IQCM: variants seen among roughly 807,000 people sequenced by gnomAD.
The protein encoded by IQCM is IQ domain-containing protein M.
Under a neutral mutation model 57.6 loss-of-function variants are expected in IQCM, and 45 were observed. The observed-to-expected ratio is 0.78, with a 90% CI of 0.62 to 1.00. IQCM has a LOEUF of 1.00. IQCM is among the 50% of genes least tolerant of loss of function. The probability of loss-of-function intolerance (pLI) is 0.00; values close to 1 mark genes in which losing one functional copy is unlikely to be tolerated. For missense variants in IQCM, 468 were observed against 511.6 expected (o/e 0.91, Z 0.82); for synonymous variants, 148 against 158.9 (o/e 0.93, Z 0.51).
chr4:149,431,038 TA>T (rs1226444223), intron 13 of IQCM, among the ~76,000 whole-genome samples: 4 of 151,514 alleles, frequency 2.6e-5, no homozygotes, highest in South Asian at 2.1e-4. Context: ...CCAAATCTAC[TA>T]AAAAAAATTA....
At chr4:149,703,141 T>C (rs1381535782) in intron 5 of IQCM, among the ~76,000 whole-genome samples, 1 of 151,944 alleles carries the variant, frequency 6.6e-6, no homozygotes, top group African/African-American at 2.4e-5. Context: ...TATTTTACAT[T>C]TGCAACTTTC....
intron 8 of IQCM, among the ~76,000 whole-genome samples, chr4:149,605,191 A>C (rs1414118606): frequency 6.6e-6 from 1 of 152,238 alleles, no homozygotes; most frequent in Non-Finnish European, 1.5e-5. Flanking sequence ...TCTACAGTAC[A>C]GAAAGAATGT....
At chr4:149,638,148 T>G (rs1033495903) in intron 7 of IQCM, among the ~76,000 whole-genome samples, 1 of 151,966 alleles carries the variant, frequency 6.6e-6, no homozygotes. Context: ...CAATAGAAAA[T>G]AGACAAATAA....
chr4:149,693,402 C>T (rs1262864466), intron 5 of IQCM, among the ~76,000 whole-genome samples: 1 of 152,138 alleles, frequency 6.6e-6, no homozygotes, highest in Admixed American at 6.5e-5. Context: ...ATCAACATGT[C>T]CCTCTCACAC....
At chr4:149,626,975 G>C (rs1756870681) in intron 7 of IQCM, among the ~76,000 whole-genome samples, 1 of 152,064 alleles carries the variant, frequency 6.6e-6, no homozygotes, top group Admixed American at 6.6e-5. Flanking sequence ...CTACAATGTA[G>C]GTGCTGCTTT....
At chr4:149,549,167 G>A (rs1748757116) in intron 11 of IQCM, among the ~76,000 whole-genome samples, 2 of 152,136 alleles carry the variant, frequency 1.3e-5, no homozygotes, top group Non-Finnish European at 1.5e-5. Flanking sequence ...ACTCAGTTGG[G>A]CCACCTATCA....
At chr4:149,760,427 GTT>G (rs1435459297) in intron 2 of IQCM, among the ~76,000 whole-genome samples, 1 of 152,150 alleles carries the variant, frequency 6.6e-6, no homozygotes, top group African/African-American at 2.4e-5. Context: ...ACAGCAGAAG[GTT>G]GAAAGTGAAC....
intron 13 of IQCM, among the ~76,000 whole-genome samples, chr4:149,359,929 G>C (rs1351999198): frequency 6.6e-6 from 1 of 152,114 alleles, no homozygotes; most frequent in Non-Finnish European, 1.5e-5. Flanking sequence ...TTAGATTCAT[G>C]CTAAGTGCTA....
chr4:149,458,757 C>T (rs1016572753), intron 12 of IQCM, among the ~76,000 whole-genome samples: 4 of 151,994 alleles, frequency 2.6e-5, no homozygotes, highest in Admixed American at 2.6e-4. Flanking sequence ...ATCTTTTCTC[C>T]ATGTGGTGAG....
At chr4:149,589,174 A>C (rs930074789) in intron 8 of IQCM, among the ~76,000 whole-genome samples, 1 of 151,928 alleles carries the variant, frequency 6.6e-6, no homozygotes, top group Non-Finnish European at 1.5e-5. Context: ...AATAGCTTTT[A>C]AAAAATAGGG....
chr4:149,474,661 G>A (rs1014845298), intron 12 of IQCM, among the ~76,000 whole-genome samples: 1 of 151,844 alleles, frequency 6.6e-6, no homozygotes, highest in Non-Finnish European at 1.5e-5. Flanking sequence ...AGGTTGCAGT[G>A]AGCCGAGATC....
chr4:149,591,454 G>T (rs564268015), intron 8 of IQCM, among the ~76,000 whole-genome samples: 31 of 151,024 alleles, frequency 2.1e-4, no homozygotes, highest in Admixed American at 2.6e-4. Context: ...TGTGGTTAAA[G>T]GTTTTTTTTT....
chr4:149,685,264 G>C (rs979133946), intron 6 of IQCM, among the ~76,000 whole-genome samples: 16 of 151,448 alleles, frequency 1.1e-4, no homozygotes, highest in African/African-American at 3.9e-4. Context: ...TAAACAATTT[G>C]GCTAAATTGC....
chr4:149,725,754 T>A (rs1252809108), intron 5 of IQCM, among the ~76,000 whole-genome samples: 2 of 152,142 alleles, frequency 1.3e-5, no homozygotes, highest in Non-Finnish European at 2.9e-5. Context: ...GTCTTCTCAC[T>A]CTTCTTACTG....
intron 5 of IQCM, among the ~76,000 whole-genome samples, chr4:149,696,762 C>T (rs937711393): frequency 1.3e-5 from 2 of 152,248 alleles, no homozygotes; most frequent in Non-Finnish European, 2.9e-5. Context: ...GTGCCACTAC[C>T]TGGGGCATGG....
chr4:149,632,452 A>T (rs1361901988), intron 7 of IQCM, among the ~76,000 whole-genome samples: 1 of 152,194 alleles, frequency 6.6e-6, no homozygotes, highest in Non-Finnish European at 1.5e-5. Flanking sequence ...AAAAATAAGA[A>T]TCTAATCCCC....
chr4:149,417,828 T>A (rs1159412959), intron 13 of IQCM, among the ~76,000 whole-genome samples: 1 of 151,892 alleles, frequency 6.6e-6, no homozygotes, highest in Non-Finnish European at 1.5e-5. Context: ...TCCTTTTTTT[T>A]TTTTTTTGGA....
chr4:149,802,887 G>A (rs926653489), intron 2 of IQCM, among the ~76,000 whole-genome samples: 1 of 151,896 alleles, frequency 6.6e-6, no homozygotes, highest in Admixed American at 6.6e-5. Flanking sequence ...GAAAAATGCT[G>A]CTCTACATAT....
intron 2 of IQCM, among the ~76,000 whole-genome samples, chr4:149,765,246 G>T (rs556896422): frequency 2.0e-5 from 3 of 152,192 alleles, no homozygotes; most frequent in African/African-American, 7.2e-5. Flanking sequence ...ACCTAGATGA[G>T]GTGACCTCAA....
Sources: gnomAD v4.1 joint callset for allele counts (sites outside exome capture counted in the v4.1 genomes callset) on GRCh38, gnomAD v4.1.1 for gene constraint, MANE v1.5 for transcripts, NCBI Gene and HGNC (gene_info 2026-07-23, HGNC 2026-07-21) for gene names.